ADGRL3: variants seen among roughly 807,000 people sequenced by gnomAD.
The protein encoded by ADGRL3 is calcium-independent alpha-latrotoxin receptor 3.
A neutral mutation model predicts 153.5 loss-of-function variants in ADGRL3; 62 were observed. The observed-to-expected ratio is 0.40, with a 90% CI of 0.33 to 0.50. ADGRL3 has a LOEUF of 0.50. Among genes scored for constraint, ADGRL3 ranks in the 20% least tolerant of loss-of-function variants. The pLI is 0.47. For synonymous variants in ADGRL3, 710 were observed against 672.5 expected (o/e 1.06, Z -0.86); for missense variants, 1,641 against 1,859.4 (o/e 0.88, Z 2.16).
chr4:61,501,447 C>A (rs1198336243), intron 3 of ADGRL3, among the ~76,000 whole-genome samples: 1 of 152,072 alleles, frequency 6.6e-6, no homozygotes, highest in Non-Finnish European at 1.5e-5. Context: ...TGGTAAACCC[C>A]TGAGCACTAG....
At chr4:61,435,567 T>C (rs1414318776) in intron 2 of ADGRL3, among the ~76,000 whole-genome samples, 1 of 152,174 alleles carries the variant, frequency 6.6e-6, no homozygotes, top group African/African-American at 2.4e-5. Flanking sequence ...TCAATTTGTC[T>C]GCATTGTATT....
chr4:61,554,643 C>T (rs976295015), intron 4 of ADGRL3, among the ~76,000 whole-genome samples: 2 of 152,102 alleles, frequency 1.3e-5, no homozygotes, highest in African/African-American at 4.8e-5. Context: ...AAAAAAATTG[C>T]TGAGTAGCAC....
rs1170922873 is a variant in ADGRL3 at position 61,432,577 on chromosome 4, T to C, written c.-174+49388T>C. Among the ~76,000 whole-genome samples, 4 of 1,434 alleles carry C rather than the reference T, an allele frequency of 2.8e-3. 1 individual carries two copies. The highest frequency in any genetic ancestry group is 3.8e-3 in the African/African-American group (4 of 1,062). 0.9% of individuals were successfully genotyped at this position (1,434 alleles called of 152,430 possible). ...TAGATTTCTTTTCTTTCTCTTCCTT[T>C]CTTTCTTTCTTTCTTTCTTTCTTTC... is the stretch of plus-strand genomic sequence containing the variant. On this transcript the variant is annotated intron_variant, in intron 2 of 26. Coordinates refer to ENST00000683033, the MANE Select transcript of ADGRL3 (RefSeq NM_001387552.1).
chr4:61,415,157 G>A (rs1004295395), intron 2 of ADGRL3, among the ~76,000 whole-genome samples: 1 of 151,742 alleles, frequency 6.6e-6, no homozygotes, highest in African/African-American at 2.4e-5. Flanking sequence ...ATTAGTTCAG[G>A]AATGTCTATT....
At chr4:61,848,018 TAA>T (rs2098153600) in intron 9 of ADGRL3, among the ~76,000 whole-genome samples, 1 of 9,428 alleles carries the variant, frequency 1.1e-4, no homozygotes. Flanking sequence ...ATTATATATA[TAA>T]TATAAAATAT....
At chr4:61,885,302 T>C (rs1256460533) in intron 9 of ADGRL3, among the ~76,000 whole-genome samples, 1 of 151,990 alleles carries the variant, frequency 6.6e-6, no homozygotes, top group Non-Finnish European at 1.5e-5. Context: ...AATTCCAGCC[T>C]GGGCAACAAG....
intron 1 of ADGRL3, among the ~76,000 whole-genome samples, chr4:61,336,476 G>A (rs144239263): frequency 1.1e-4 from 17 of 150,862 alleles, no homozygotes; most frequent in East Asian, 9.9e-4. Flanking sequence ...GAGGAGTAAC[G>A]TACTTTCTTG....
intron 6 of ADGRL3, among the ~76,000 whole-genome samples, chr4:61,717,901 G>A (rs1038954454): frequency 5.9e-5 from 9 of 152,048 alleles, no homozygotes; most frequent in Non-Finnish European, 2.9e-5. Context: ...AGGCATGGTG[G>A]TACATGCCTG....
At chr4:61,291,625 T>A (rs1489335585) in intron 1 of ADGRL3, among the ~76,000 whole-genome samples, 33 of 75,086 alleles carry the variant, frequency 4.4e-4, no homozygotes, top group African/African-American at 1.3e-3. Flanking sequence ...TATATATATA[T>A]AAAATATTTA....
intron 23 of ADGRL3, among the ~76,000 whole-genome samples, chr4:62,033,230 A>G (rs1723119697): frequency 2.0e-5 from 3 of 151,710 alleles, no homozygotes; most frequent in Admixed American, 1.3e-4. Context: ...TTGTGGTTTG[A>G]AAGTGGTTCA....
intron 4 of ADGRL3, among the ~76,000 whole-genome samples, chr4:61,520,682 G>GTGTGTGTGTGTGTGTGTGTGTGTC (rs763505931): frequency 0.074 from 8,998 of 122,254 alleles, 417 homozygotes; most frequent in Middle Eastern, 0.15. Flanking sequence ...GTGTGTGTGT[G>GTGTGTGTGTGTGTGTGTGTGTGTC]TGTCTGTCTG....
chr4:61,539,567 T>C (rs2098678282), intron 4 of ADGRL3, among the ~76,000 whole-genome samples: 1 of 152,046 alleles, frequency 6.6e-6, no homozygotes, highest in East Asian at 1.9e-4. Context: ...CAGAAAGGCT[T>C]AGATTTCTAG....
chr4:61,590,321 C>T (rs2098964335), intron 5 of ADGRL3, among the ~76,000 whole-genome samples: 1 of 151,922 alleles, frequency 6.6e-6, no homozygotes, highest in Non-Finnish European at 1.5e-5. Context: ...GCTTTCTTAA[C>T]TCTATTATTT....
chr4:61,523,550 T>C (rs1209394626), intron 4 of ADGRL3, among the ~76,000 whole-genome samples: 1 of 152,108 alleles, frequency 6.6e-6, no homozygotes, highest in Non-Finnish European at 1.5e-5. Context: ...AGAATTCTTA[T>C]GTGCATCTAG....
intron 5 of ADGRL3, among the ~76,000 whole-genome samples, chr4:61,634,795 AG>A (rs2093344969): frequency 6.6e-6 from 1 of 152,204 alleles, no homozygotes; most frequent in Admixed American, 6.5e-5. Flanking sequence ...TCAAAGAATA[AG>A]GTCCAAAGAG....
chr4:61,958,842 A>T (rs1001536905), intron 17 of ADGRL3, among the ~76,000 whole-genome samples: 9 of 152,116 alleles, frequency 5.9e-5, no homozygotes, highest in African/African-American at 2.2e-4. Context: ...ATTCCCAATT[A>T]TGCTAACATC....
rs555877019 is a variant in ADGRL3, at chr4:61,983,317, T to G, written c.3016-66T>G. ...AGTTTTGGTAAATATTTAATTTGGT[T>G]TTATGGCAGTTGACTAGTATCCCAT... On this transcript the variant is annotated intron_variant, in intron 18 of 26. Coordinates refer to ENST00000683033, the MANE Select transcript of ADGRL3 (RefSeq NM_001387552.1). 15 of 1,239,710 alleles carry G rather than the reference T, an allele frequency of 1.2e-5. 1 individual carries two copies. The South Asian group carries it at 1.6e-4, about 13-fold the overall frequency. The allele number at this position is 1,239,710 out of a possible 1,614,324, so 76.8% of individuals were successfully genotyped here.
intron 1 of ADGRL3, among the ~76,000 whole-genome samples, chr4:61,323,798 G>A (rs1449521846): frequency 1.3e-5 from 2 of 152,106 alleles, no homozygotes; most frequent in African/African-American, 4.8e-5. Flanking sequence ...AACTGTTCCA[G>A]TCTCTGCCTG....
At chr4:61,242,296 G>A (rs1156752784) in intron 1 of ADGRL3, among the ~76,000 whole-genome samples, 3 of 151,944 alleles carry the variant, frequency 2.0e-5, no homozygotes, top group Admixed American at 6.6e-5. Context: ...GCCCTGCAGA[G>A]GACCAGGCAT....
Sources: gnomAD v4.1 joint callset for allele counts (sites outside exome capture counted in the v4.1 genomes callset) on GRCh38, gnomAD v4.1.1 for gene constraint, MANE v1.5 for transcripts, NCBI Gene and HGNC (gene_info 2026-07-23, HGNC 2026-07-21) for gene names.